The following NAA35 variants were observed in gnomAD, a reference collection of about 807,000 sequenced individuals.
NAA35 encodes MAK10 homolog, amino-acid N-acetyltransferase subunit.
Under a neutral mutation model 101.7 loss-of-function variants are expected in NAA35, and 18 were observed. The ratio of observed to expected loss-of-function variants is 0.18; its 90% CI spans 0.12 to 0.26. The LOEUF (loss-of-function observed/expected upper bound fraction) is 0.26, where lower values mean the gene tolerates loss of function less well. NAA35 is among the 10% of genes least tolerant of loss of function. NAA35 has a pLI of 1.00. For synonymous variants in NAA35, 267 were observed against 273.1 expected, an observed-to-expected ratio of 0.98 and a Z score of 0.22; for missense variants, 601 against 886.8, an observed-to-expected ratio of 0.68 and a Z score of 4.09.
intron 21 of NAA35, among the ~76,000 whole-genome samples, chr9:86,019,463 A>G (rs907608988): frequency 2.6e-5 from 4 of 152,234 alleles, no homozygotes; most frequent in African/African-American, 4.8e-5. Context: ...CCATCTCAAA[A>G]AAGAATTATT....
At chr9:85,980,787 G>T (rs532697197) in intron 11 of NAA35, among the ~76,000 whole-genome samples, 2 of 152,270 alleles carry the variant, frequency 1.3e-5, no homozygotes, top group African/African-American at 4.8e-5. Context: ...TAGCAATTTT[G>T]ATTGTCCTTA....
chr9:85,996,091 T>C (rs1474003522), intron 11 of NAA35, among the ~76,000 whole-genome samples: 1 of 152,196 alleles, frequency 6.6e-6, no homozygotes, highest in Non-Finnish European at 1.5e-5. Flanking sequence ...TGAAAGAATA[T>C]ACTGACCCTA....
Position 86,025,312 on chromosome 9 carries a change from CTCTT to C in NAA35, c.*3357_*3360del, listed in dbSNP as rs1397495550. 6.6e-6 allele frequency among the ~76,000 whole-genome samples: 1 copy of C among 152,102 alleles called. No homozygotes were observed. Among genetic ancestry groups the C allele is most frequent in the Admixed American group, 6.5e-5 (1 of 15,272 alleles). On this transcript the variant is annotated 3_prime_UTR_variant, in exon 23 of 23. Transcript: ENST00000361671. ...AAAGATTGCTGGCGACTGGGGCGAG[CTCTT>C]TCTTGAAGGGGTGGGGCAGAAGCTG...
intron 11 of NAA35, among the ~76,000 whole-genome samples, chr9:85,994,979 A>G (rs1831092434): frequency 6.6e-6 from 1 of 152,192 alleles, no homozygotes; most frequent in African/African-American, 2.4e-5. Context: ...GTATCAAAAT[A>G]TCACATATAC....
chr9:86,018,642 G>A (rs555498314), intron 20 of NAA35, 57 bp from the exon 21 acceptor site: 3 of 1,567,518 alleles, frequency 1.9e-6, no homozygotes, highest in African/African-American at 1.4e-5. Context: ...TTAGAAATGG[G>A]ATTTTAGAGT....
intron 14 of NAA35, 93 bp from the exon 15 acceptor site, chr9:86,009,772 T>A: frequency 1.2e-6 from 1 of 858,296 alleles, no homozygotes; most frequent in Non-Finnish European, 1.9e-6. Flanking sequence ...TCTCTTTTAT[T>A]CACCTTCTCT....
chr9:85,992,819 GTGTTAGTTTTCTAATTC>G (rs1175686070), intron 11 of NAA35, among the ~76,000 whole-genome samples: 3 of 152,222 alleles, frequency 2.0e-5, no homozygotes, highest in Non-Finnish European at 4.4e-5. Context: ...TAGTTGCTCA[GTGTTAGTTTTCTAATTC>G]TGATGGCTGT....
At chr9:85,981,109 C>T (rs1587612330) in intron 11 of NAA35, among the ~76,000 whole-genome samples, 1 of 152,088 alleles carries the variant, frequency 6.6e-6, no homozygotes, top group South Asian at 2.1e-4. Context: ...TGTGTTTCTA[C>T]TAGTTGTGCT....
At chr9:85,988,086 AAC>A (rs1293808243) in intron 11 of NAA35, among the ~76,000 whole-genome samples, 1 of 152,224 alleles carries the variant, frequency 6.6e-6, no homozygotes, top group African/African-American at 2.4e-5. Context: ...CAGTAAAAGA[AAC>A]ACATGCACAC....
chr9:85,986,495 G>A, intron 11 of NAA35: 1 of 468,140 alleles, frequency 2.1e-6, no homozygotes, highest in Non-Finnish European at 4.4e-6. Flanking sequence ...TTCTAGAGAT[G>A]GAGGTGGAAG....
chr9:85,962,307 A>G, intron 6 of NAA35, 127 bp downstream of exon 6: 2 of 712,582 alleles, frequency 2.8e-6, no homozygotes, highest in Non-Finnish European at 2.2e-6. Flanking sequence ...CCTGGCCAAC[A>G]TGGTGAAACA....
chr9:85,964,847 A>G (rs549542016), intron 6 of NAA35, among the ~76,000 whole-genome samples: 6 of 152,158 alleles, frequency 3.9e-5, no homozygotes, highest in Non-Finnish European at 8.8e-5. Flanking sequence ...TTGTCTTATT[A>G]CCATATGGTT....
chr9:86,005,601 C>T (rs1054297450), intron 13 of NAA35, among the ~76,000 whole-genome samples: 1 of 152,046 alleles, frequency 6.6e-6, no homozygotes, highest in African/African-American at 2.4e-5. Context: ...CAAGGAAGTT[C>T]CTAGAACTGA....
chr9:85,992,706 G>A (rs1316169390), intron 11 of NAA35, among the ~76,000 whole-genome samples: 1 of 152,194 alleles, frequency 6.6e-6, no homozygotes, highest in Non-Finnish European at 1.5e-5. Flanking sequence ...CTGAAGAACT[G>A]TGTCAGACTG....
At chr9:86,000,225 A>G (rs999216789) in intron 12 of NAA35, among the ~76,000 whole-genome samples, 1 of 152,100 alleles carries the variant, frequency 6.6e-6, no homozygotes, top group African/African-American at 2.4e-5. Flanking sequence ...TGTTGAAACA[A>G]CCTTGCATCC....
rs187197252 is a variant in NAA35, at chr9:86,018,512, A to G, written c.1914+117A>G. ...CAGTTATTTAAATCATAAGAATAAT[A>G]TGAGGTAGCATATGAGGGTTGAGAA... On this transcript the variant is annotated intron_variant, in intron 20 of 22. Transcript: ENST00000361671. The G allele has an allele frequency of 3.0e-4, 405 of 1,339,990 alleles. 1 individual carries two copies. The highest frequency in any genetic ancestry group is 1.0e-3 in the Admixed American group (40 of 38,580). 83.0% of individuals were successfully genotyped at this position (1,339,990 alleles called of 1,614,324 possible).
intron 2 of NAA35, among the ~76,000 whole-genome samples, chr9:85,945,396 G>A (rs1191941348): frequency 6.6e-6 from 1 of 152,178 alleles, no homozygotes; most frequent in African/African-American, 2.4e-5. Context: ...TTGTAGTCTT[G>A]ATTATGGTTT....
intron 17 of NAA35, among the ~76,000 whole-genome samples, chr9:86,014,936 C>A (rs1322502473): frequency 1.3e-5 from 2 of 152,032 alleles, no homozygotes; most frequent in Admixed American, 1.3e-4. Flanking sequence ...GTTTTGTTTT[C>A]GTTTCTGTTT....
intron 6 of NAA35, among the ~76,000 whole-genome samples, chr9:85,970,131 A>G (rs1829943020): frequency 6.6e-6 from 1 of 152,160 alleles, no homozygotes; most frequent in Non-Finnish European, 1.5e-5. Context: ...GTGGTTCTTG[A>G]CTGTTATCTC....
Sources: allele counts gnomAD v4.1 joint callset (sites outside exome capture counted in the v4.1 genomes callset), GRCh38; gene constraint gnomAD v4.1.1; transcripts MANE v1.5; gene names NCBI Gene and HGNC (gene_info 2026-07-23, HGNC 2026-07-21).